AGMO: variants seen among roughly 807,000 people sequenced by gnomAD.
AGMO encodes the protein glyceryl-ether monooxygenase.
Under a neutral mutation model 60.2 loss-of-function variants are expected in AGMO, and 75 were observed. That is an observed-to-expected ratio of 1.25 (90% CI 1.03 to 1.51). The LOEUF is 1.51. Ranked by LOEUF, AGMO falls within the 40% of genes most tolerant of loss-of-function variation. The pLI is 0.00. For synonymous variants in AGMO, 261 were observed against 177.1 expected, an observed-to-expected ratio of 1.47 and a Z score of -3.76; for missense variants, 763 against 525.5, an observed-to-expected ratio of 1.45 and a Z score of -4.42.
chr7:15,410,051 T>C (rs1228096207), intron 5 of AGMO, among the ~76,000 whole-genome samples: 1 of 151,732 alleles, frequency 6.6e-6, no homozygotes, highest in Non-Finnish European at 1.5e-5. Context: ...CTTTGGAATA[T>C]ATCAGTCCAA....
intron 12 of AGMO, among the ~76,000 whole-genome samples, chr7:15,202,458 CAAAAAAAAAAAAA>C (rs71004370): frequency 0.016 from 715 of 45,366 alleles, 18 homozygotes; most frequent in African/African-American, 0.042. Flanking sequence ...TACAAATGAG[CAAAAAAAAAAAAA>C]AAAAAAAAAA....
At chr7:15,351,482 T>C (rs1302315642) in intron 12 of AGMO, among the ~76,000 whole-genome samples, 5 of 152,120 alleles carry the variant, frequency 3.3e-5, no homozygotes, top group African/African-American at 9.7e-5. Context: ...GTAATAAAAA[T>C]GTGCATGTAA....
At chr7:15,542,661 T>C (rs1053149390) in intron 3 of AGMO, among the ~76,000 whole-genome samples, 4 of 152,170 alleles carry the variant, frequency 2.6e-5, no homozygotes, top group African/African-American at 4.8e-5. Flanking sequence ...ATGAGGAAGA[T>C]TGCCGATGAG....
intron 12 of AGMO, among the ~76,000 whole-genome samples, chr7:15,300,155 T>C (rs1349686934): frequency 2.0e-5 from 3 of 152,076 alleles, no homozygotes; most frequent in Admixed American, 6.6e-5. Context: ...CTTGGAAAGA[T>C]AGCTAGGATT....
At position 15,561,908 on chromosome 7, in the gene AGMO, T is replaced by C; in HGVS notation, c.-63A>G. ...GGATTCAATGCTTGAAGCCTGAGGC[T>C]GAACAAAGAGGACGAGATGTGCAGC... On this transcript the variant is annotated 5_prime_UTR_variant, in exon 1 of 13. Transcript: ENST00000342526. 1.3e-6 allele frequency: 2 copies of C among 1,514,470 alleles called. No individual in the cohort carries two copies. The highest frequency in any genetic ancestry group is 1.8e-6 in the Non-Finnish European group (2 of 1,123,628). The allele number at this position is 1,514,470 out of a possible 1,614,324, so 93.8% of individuals were successfully genotyped here. A position where few individuals can be genotyped will look rare whatever the true frequency, so the allele number is the denominator to read the frequency against.
At chr7:15,148,792 T>C in the AGMO span, among the ~76,000 whole-genome samples, 4 of 152,164 alleles carry the variant, frequency 2.6e-5, no homozygotes, top group African/African-American at 9.7e-5. Context: ...TAGAAGTGCA[T>C]GTGTCTTTTT....
At chr7:15,203,247 C>T (rs762288191) in intron 12 of AGMO, among the ~76,000 whole-genome samples, 10 of 152,038 alleles carry the variant, frequency 6.6e-5, no homozygotes, top group Non-Finnish European at 1.0e-4. Flanking sequence ...TCTCGACTTC[C>T]AGTACTATTA....
chr7:15,515,795 T>A lies in AGMO; in HGVS notation c.409+28977A>T, dbSNP rs556530895. 1.1e-4 allele frequency among the ~76,000 whole-genome samples: 16 copies of A among 152,346 alleles called. No homozygotes were observed. The South Asian group carries it at 3.3e-3, about 32-fold the overall frequency. On this transcript the variant is annotated intron_variant, in intron 3 of 12. Coordinates refer to ENST00000342526, the MANE Select transcript of AGMO (RefSeq NM_001004320.2). Reference sequence around the variant, plus strand: ...TATAAGCAATGAAGTCATTTTGTTATTTCTTCAACAGTTTTCTTTAGCCTG... The same window carrying A: ...TATAAGCAATGAAGTCATTTTGTTAATTCTTCAACAGTTTTCTTTAGCCTG...
intron 12 of AGMO, among the ~76,000 whole-genome samples, chr7:15,244,637 TTTTG>T (rs767163376): frequency 3.5e-4 from 53 of 151,472 alleles, no homozygotes; most frequent in South Asian, 6.2e-4. Flanking sequence ...TCATTCTTTT[TTTTG>T]TTTGTTTGTT....
chr7:15,365,397 A>T, intron 12 of AGMO, 117 bp downstream of exon 12: 2 of 486,322 alleles, frequency 4.1e-6, no homozygotes, highest in Non-Finnish European at 3.6e-6. Context: ...AAAAAAAAAG[A>T]TCAAGATTTC....
intron 12 of AGMO, among the ~76,000 whole-genome samples, chr7:15,298,874 T>C (rs1784475752): frequency 6.6e-6 from 1 of 152,198 alleles, no homozygotes; most frequent in Non-Finnish European, 1.5e-5. Flanking sequence ...GATTTTCTTA[T>C]TGTCCACCCC....
intron 3 of AGMO, among the ~76,000 whole-genome samples, chr7:15,505,838 A>G (rs1272675991): frequency 2.6e-5 from 4 of 152,048 alleles, no homozygotes; most frequent in African/African-American, 9.7e-5. Context: ...TGTTTTTAAG[A>G]AAAAAAGTAA....
chr7:15,343,054 T>C (rs1406403237), intron 12 of AGMO, among the ~76,000 whole-genome samples: 3 of 152,088 alleles, frequency 2.0e-5, no homozygotes, highest in Non-Finnish European at 2.9e-5. Flanking sequence ...ATTATACAAG[T>C]GGAAAACCTT....
chr7:15,396,809 G>A (rs186641856), intron 5 of AGMO, among the ~76,000 whole-genome samples: 5 of 152,216 alleles, frequency 3.3e-5, no homozygotes, highest in Non-Finnish European at 7.4e-5. Context: ...TTTACAGAGA[G>A]CTGATTGGTC....
chr7:15,547,482 G>C (rs1380042502), intron 2 of AGMO, among the ~76,000 whole-genome samples: 1 of 152,126 alleles, frequency 6.6e-6, no homozygotes, highest in Non-Finnish European at 1.5e-5. Flanking sequence ...AGCCGAAGCA[G>C]GGCAAGGCAT....
intron 12 of AGMO, among the ~76,000 whole-genome samples, chr7:15,247,679 A>G (rs1782789436): frequency 1.3e-5 from 2 of 152,320 alleles, no homozygotes; most frequent in African/African-American, 2.4e-5. Flanking sequence ...CTGAAAACTA[A>G]TAACAAAATA....
At chr7:15,176,824 G>C in the AGMO span, among the ~76,000 whole-genome samples, 1 of 151,892 alleles carries the variant, frequency 6.6e-6, no homozygotes, top group East Asian at 1.9e-4. Flanking sequence ...GAGAAGTTTT[G>C]GTGTTACTGA....
intron 2 of AGMO, among the ~76,000 whole-genome samples, chr7:15,550,748 A>G (rs1326906325): frequency 7.1e-6 from 1 of 140,602 alleles, no homozygotes; most frequent in African/African-American, 2.7e-5. Context: ...ACAAGGAGGA[A>G]CTGGTACCAT....
downstream of AGMO, among the ~76,000 whole-genome samples, chr7:15,196,932 G>A (rs1314005437): frequency 6.6e-6 from 1 of 152,130 alleles, no homozygotes; most frequent in Non-Finnish European, 1.5e-5. Context: ...TGCTTAATTT[G>A]CTAATTTTTT....
Sources: gnomAD v4.1 joint callset for allele counts (sites outside exome capture counted in the v4.1 genomes callset) on GRCh38, gnomAD v4.1.1 for gene constraint, MANE v1.5 for transcripts, NCBI Gene and HGNC (gene_info 2026-07-23, HGNC 2026-07-21) for gene names.